Variants in DCLRE1C observed in about 807,000 individuals in gnomAD.
The protein encoded by DCLRE1C is protein artemis.
Under a neutral mutation model 61.4 loss-of-function variants are expected in DCLRE1C, and 47 were observed. That is an observed-to-expected ratio of 0.77 (90% CI 0.61 to 0.98). DCLRE1C has a LOEUF of 0.98. Ranked by LOEUF, DCLRE1C falls within the 50% of genes least tolerant of loss-of-function variation. The pLI is 0.00. For synonymous variants in DCLRE1C, 337 were observed against 287.6 expected (o/e 1.17, Z -1.74); for missense variants, 858 against 816.0 (o/e 1.05, Z -0.63).
chr10:14,951,729 G>T (rs376135487), intron 1 of DCLRE1C, among the ~76,000 whole-genome samples: 1 of 152,112 alleles, frequency 6.6e-6, no homozygotes, highest in Non-Finnish European at 1.5e-5. Flanking sequence ...AGGACAGAGC[G>T]CCCTCTCTCT....
At chr10:14,901,026 C>T, downstream of DCLRE1C, 1 of 1,431,400 alleles carries the variant, frequency 7.0e-7, no homozygotes, top group Middle Eastern at 2.5e-4. Context: ...ACTTAATTTC[C>T]AGTGGAACTT....
intron 13 of DCLRE1C, among the ~76,000 whole-genome samples, chr10:14,911,835 A>G (rs924116084): frequency 6.6e-6 from 1 of 152,380 alleles, no homozygotes; most frequent in Middle Eastern, 3.4e-3. Flanking sequence ...GCCAATAAGC[A>G]CATGAAAGAA....
At chr10:14,937,108 A>C (rs1179982939) in intron 4 of DCLRE1C, among the ~76,000 whole-genome samples, 1 of 152,144 alleles carries the variant, frequency 6.6e-6, no homozygotes, top group Non-Finnish European at 1.5e-5. Flanking sequence ...GAACCCATGG[A>C]GACAGAGAGT....
intron 1 of DCLRE1C, among the ~76,000 whole-genome samples, chr10:14,951,327 C>T (rs1182344694): frequency 7.7e-6 from 1 of 130,572 alleles, no homozygotes. Flanking sequence ...GAGGTGAAGG[C>T]TGCAGTGAGC....
intron 13 of DCLRE1C, among the ~76,000 whole-genome samples, chr10:14,909,895 C>T (rs763960541): frequency 9.9e-5 from 15 of 152,186 alleles, no homozygotes; most frequent in African/African-American, 1.4e-4. Flanking sequence ...GAATAATCAA[C>T]GTGTCAAGAA....
At position 14,944,970 on chromosome 10, in the gene DCLRE1C, C is replaced by G. The variant is rs1234182040; in HGVS notation, c.246+135G>C. 4 of 647,100 alleles carry G rather than the reference C, an allele frequency of 6.2e-6. No homozygotes were observed. In the African/African-American group the frequency reaches 7.5e-5, roughly 12 times the overall value. The allele number at this position is 647,100 out of a possible 1,614,324, so 40.1% of individuals were successfully genotyped here. A position where few individuals can be genotyped will look rare whatever the true frequency, so the allele number is the denominator to read the frequency against. ...GATTATAGGTGTAAGCCACCATGTC[C>G]GGCCAGAGACTCAATATTCTAATTA... On this transcript the variant is annotated intron_variant, in intron 3 of 13. Coordinates refer to ENST00000378278, the MANE Select transcript of DCLRE1C (RefSeq NM_001033855.3).
At chr10:14,925,916 A>AT (rs2130821236) in intron 11 of DCLRE1C, among the ~76,000 whole-genome samples, 1 of 152,306 alleles carries the variant, frequency 6.6e-6, no homozygotes, top group East Asian at 1.9e-4. Context: ...AGTGGGAGGC[A>AT]ATTTAATCAC....
At chr10:14,932,054 A>C (rs1018225145) in intron 9 of DCLRE1C, among the ~76,000 whole-genome samples, 1 of 151,672 alleles carries the variant, frequency 6.6e-6, no homozygotes, top group African/African-American at 2.4e-5. Context: ...AATAATAAAT[A>C]AATCAATAAA....
At chr10:14,945,225 C>A in intron 2 of DCLRE1C, 36 bp from the exon 3 acceptor site, 2 of 1,574,968 alleles carry the variant, frequency 1.3e-6, no homozygotes, top group Non-Finnish European at 1.7e-6. Context: ...TCAGTACAAT[C>A]CAAAATGAGC....
At chr10:14,913,779 G>A (rs147350784) in intron 13 of DCLRE1C, among the ~76,000 whole-genome samples, 189 of 152,316 alleles carry the variant, frequency 1.2e-3, no homozygotes, top group African/African-American at 3.8e-3. Context: ...GAGGATATGT[G>A]TAGGTTATAT....
intron 12 of DCLRE1C, among the ~76,000 whole-genome samples, chr10:14,920,955 C>T (rs1248645372): frequency 1.3e-5 from 2 of 151,648 alleles, no homozygotes; most frequent in Admixed American, 1.3e-4. Flanking sequence ...TGCACTCCAG[C>T]CTGGGTGACA....
At chr10:14,927,778 T>C (rs1838270702) in intron 10 of DCLRE1C, among the ~76,000 whole-genome samples, 1 of 152,192 alleles carries the variant, frequency 6.6e-6, no homozygotes, top group Admixed American at 6.5e-5. Flanking sequence ...CTCAGATGCC[T>C]TCAGTCTCCA....
intron 3 of DCLRE1C, among the ~76,000 whole-genome samples, 160 bp downstream of exon 3, chr10:14,944,945 G>C (rs1360903975): frequency 6.6e-6 from 1 of 151,906 alleles, no homozygotes; most frequent in African/African-American, 2.4e-5. Flanking sequence ...AAAGTGCTGG[G>C]ATTATAGGTG....
downstream of DCLRE1C, chr10:14,899,816 G>A: frequency 9.0e-7 from 1 of 1,106,294 alleles, no homozygotes; most frequent in South Asian, 1.7e-5. Flanking sequence ...TTATAAGGAG[G>A]GCAGCTTCTG....
intron 3 of DCLRE1C, among the ~76,000 whole-genome samples, chr10:14,941,782 C>G (rs1012078600): frequency 3.3e-5 from 5 of 152,196 alleles, no homozygotes; most frequent in African/African-American, 9.6e-5. Context: ...GAGCACCCCC[C>G]AAAATACTAT....
intron 3 of DCLRE1C, chr10:14,942,087 T>C (rs891978785): frequency 6.6e-6 from 1 of 152,192 alleles, no homozygotes; most frequent in Non-Finnish European, 1.5e-5. Context: ...GCGCCAGAAA[T>C]GGTAACAGCT....
downstream of DCLRE1C, chr10:14,904,092 G>A (rs1022634417): frequency 2.6e-5 from 4 of 152,146 alleles, no homozygotes; most frequent in African/African-American, 4.8e-5. Context: ...ATCACGTGAG[G>A]TCGGGAGTTC....
At chr10:14,927,247 G>A (rs1023260044) in intron 10 of DCLRE1C, among the ~76,000 whole-genome samples, 15 of 152,198 alleles carry the variant, frequency 9.9e-5, no homozygotes, top group African/African-American at 3.6e-4. Context: ...GCTCGGCATG[G>A]TGGTAGTACA....
At chr10:14,900,050 A>G (rs1833891640), downstream of DCLRE1C, among the ~76,000 whole-genome samples, 2 of 152,216 alleles carry the variant, frequency 1.3e-5, no homozygotes, top group Admixed American at 1.3e-4. Context: ...AGTTAACACG[A>G]CTACATTTTA....
Sources: gnomAD v4.1 joint callset for allele counts (sites outside exome capture counted in the v4.1 genomes callset) on GRCh38, gnomAD v4.1.1 for gene constraint, MANE v1.5 for transcripts, NCBI Gene and HGNC (gene_info 2026-07-23, HGNC 2026-07-21) for gene names.